The following RARB variants were observed in gnomAD, a reference collection of about 807,000 sequenced individuals.
RARB encodes the protein retinoic acid receptor beta.
A neutral mutation model predicts 51.9 loss-of-function variants in RARB; 17 were observed. The ratio of observed to expected loss-of-function variants is 0.33; its 90% CI spans 0.22 to 0.49. The LOEUF (loss-of-function observed/expected upper bound fraction) is 0.49. RARB is among the 20% of genes least tolerant of loss of function. The pLI is 0.99. For missense variants in RARB, 369 were observed against 550.8 expected (o/e 0.67, Z 3.30); for synonymous variants, 215 against 195.4 (o/e 1.10, Z -0.84).
In RARB at chr3:25,333,257, C is replaced by T. The variant is rs552885547; in HGVS notation, c.179-127936C>T. On this transcript the variant is annotated intron_variant, in intron 5 of 11. Transcript: ENST00000383772. ...CAAAAGAACAAAGCTGGAGGCATCA[C>T]GCTACCTGACTTCAAACTATACTAC... 1.8e-3 allele frequency among the ~76,000 whole-genome samples: 279 copies of T among 152,150 alleles called. 1 individual carries two copies. The highest frequency in any genetic ancestry group is 1.8e-3 in the Non-Finnish European group (119 of 67,990).
chr3:25,374,267 G>A lies in RARB; in HGVS notation c.179-86926G>A, dbSNP rs2125474222. On this transcript the variant is annotated intron_variant, in intron 5 of 11. Transcript: ENST00000383772. ...AGGAAAGAGCAAAAAACAGAAAAGA[G>A]GGTCTGAGGACTGGGAACAGGTACA... 1.3e-5 allele frequency among the ~76,000 whole-genome samples: 2 copies of A among 152,192 alleles called. 1 individual carries two copies. Among genetic ancestry groups the A allele is most frequent in the South Asian group, 4.2e-4 (2 of 4,812 alleles).
intron 5 of RARB, among the ~76,000 whole-genome samples, chr3:25,240,557 A>T (rs1017253169): frequency 8.5e-5 from 13 of 152,140 alleles, no homozygotes; most frequent in African/African-American, 2.2e-4. Flanking sequence ...GTTGAATCTT[A>T]TCAAATGCTT....
intron 5 of RARB, among the ~76,000 whole-genome samples, chr3:25,337,526 G>A (rs1037733977): frequency 1.2e-4 from 18 of 152,126 alleles, no homozygotes; most frequent in Non-Finnish European, 2.2e-4. Context: ...TTCTTAATGT[G>A]TCTGAAATGC....
chr3:25,124,006 A>C (rs568361189), intron 3 of RARB, among the ~76,000 whole-genome samples: 1 of 152,288 alleles, frequency 6.6e-6, no homozygotes, highest in South Asian at 2.1e-4. Flanking sequence ...AGTAAAGGGA[A>C]ATTCTCCAAA....
At chr3:25,263,960 G>A (rs1189345113) in intron 5 of RARB, among the ~76,000 whole-genome samples, 2 of 152,118 alleles carry the variant, frequency 1.3e-5, no homozygotes, top group African/African-American at 2.4e-5. Context: ...GAATGTAATA[G>A]AAGCCATCAA....
In RARB at chr3:25,247,122, G is replaced by A. The variant is rs550457519; in HGVS notation, c.178+72547G>A. Among the ~76,000 whole-genome samples the A allele has an allele frequency of 2.0e-5, 3 of 152,328 alleles. No homozygotes were observed. The South Asian group carries it at 6.2e-4, about 32-fold the overall frequency. ...TAGCTGGGAGCTTCATTTACACTGC[G>A]AGGGGAAAATCGCCTACTCATGCCT... On this transcript the variant is annotated intron_variant, in intron 5 of 11. Coordinates refer to the RARB transcript ENST00000383772.
rs1699504750 is a variant in RARB at position 25,106,458 on chromosome 3, GTTTTTTTTT to G, written c.-327-25702_-327-25694del. On this transcript the variant is annotated intron_variant, in intron 3 of 11. Coordinates refer to the RARB transcript ENST00000383772. ...GCCCAGCTACTGTTTTTTGTTTTTT[GTTTTTTTTT>G]GTTTTGTTTTTTTTTTGTAGAGACA... Among the ~76,000 whole-genome samples, 15 of 107,830 alleles carry G rather than the reference GTTTTTTTTT, an allele frequency of 1.4e-4. 1 individual carries two copies. Among genetic ancestry groups the G allele is most frequent in the East Asian group, 3.2e-4 (1 of 3,110 alleles). The allele number at this position is 107,830 out of a possible 152,430, so 70.7% of individuals were successfully genotyped here. A position where few individuals can be genotyped will look rare whatever the true frequency, so the allele number is the denominator to read the frequency against.
intron 2 of RARB, among the ~76,000 whole-genome samples, chr3:24,988,037 G>C (rs1439382798): frequency 6.6e-6 from 1 of 151,884 alleles, no homozygotes; most frequent in Non-Finnish European, 1.5e-5. Context: ...GAGTGCTTGA[G>C]AAATTGTCTT....
chr3:25,278,053 G>A (rs1703434950), intron 5 of RARB, among the ~76,000 whole-genome samples: 1 of 152,166 alleles, frequency 6.6e-6, no homozygotes, highest in Non-Finnish European at 1.5e-5. Flanking sequence ...CTCATTGCTA[G>A]ACGATATAGT....
At chr3:25,458,866 A>G (rs1207638274) in intron 1 of RARB, among the ~76,000 whole-genome samples, 2 of 151,106 alleles carry the variant, frequency 1.3e-5, no homozygotes, top group Non-Finnish European at 3.0e-5. Flanking sequence ...TTTGGTTTCT[A>G]ATTTTATCAT....
intron 5 of RARB, among the ~76,000 whole-genome samples, chr3:25,353,604 A>G (rs1288134082): frequency 1.4e-5 from 2 of 145,720 alleles, no homozygotes; most frequent in African/African-American, 2.6e-5. Flanking sequence ...TTTTTGTCTT[A>G]CCCCAAAGTA....
intron 1 of RARB, among the ~76,000 whole-genome samples, chr3:25,435,370 C>A (rs1280235634): frequency 6.6e-6 from 1 of 152,128 alleles, no homozygotes; most frequent in Non-Finnish European, 1.5e-5. Context: ...ATTTCCAGAG[C>A]AAATGAAGAC....
intron 5 of RARB, among the ~76,000 whole-genome samples, chr3:25,239,548 T>C (rs1702380505): frequency 6.6e-6 from 1 of 152,208 alleles, no homozygotes; most frequent in Admixed American, 6.5e-5. Flanking sequence ...CACCATTTAT[T>C]GAAGAGGATG....
At chr3:25,446,788 G>A (rs1417207161) in intron 1 of RARB, among the ~76,000 whole-genome samples, 1 of 108,650 alleles carries the variant, frequency 9.2e-6, no homozygotes. Context: ...GGGTGACAGA[G>A]CCAGACTCCG....
intron 3 of RARB, among the ~76,000 whole-genome samples, chr3:25,514,954 T>C (rs1698085340): frequency 6.6e-6 from 1 of 152,186 alleles, no homozygotes; most frequent in Non-Finnish European, 1.5e-5. Flanking sequence ...GACTTTCAGC[T>C]CTCAGAAATC....
At chr3:24,966,920 C>G (rs1696287461) in intron 2 of RARB, among the ~76,000 whole-genome samples, 1 of 152,112 alleles carries the variant, frequency 6.6e-6, no homozygotes, top group Admixed American at 6.6e-5. Flanking sequence ...CCTGAATTCA[C>G]CATACATTTT....
chr3:25,470,661 C>T (rs1262008702), intron 2 of RARB, among the ~76,000 whole-genome samples: 1 of 152,168 alleles, frequency 6.6e-6, no homozygotes, highest in Non-Finnish European at 1.5e-5. Flanking sequence ...ATATAAACAA[C>T]TAGGGATCCA....
intron 3 of RARB, among the ~76,000 whole-genome samples, chr3:25,504,653 CTCT>C (rs568182510): frequency 2.3e-3 from 343 of 152,046 alleles, no homozygotes; most frequent in Non-Finnish European, 4.1e-3. Context: ...TCCCAAGGCA[CTCT>C]TCTTTATGCT....
chr3:25,039,835 C>G lies in RARB; in HGVS notation c.-379-20290C>G, dbSNP rs1186779414. On this transcript the variant is annotated intron_variant, in intron 2 of 11. Coordinates refer to the RARB transcript ENST00000383772. ...AGGTGAGGAAAGTGGAGAATTGTTG[C>G]ATAGATTTTGCAGAAAATTAGACGT... 1.3e-5 allele frequency among the ~76,000 whole-genome samples: 2 copies of G among 152,158 alleles called. 1 individual carries two copies. The highest frequency in any genetic ancestry group is 6.3e-3 in the Middle Eastern group (2 of 316).
Sources: gnomAD v4.1 joint callset for allele counts (sites outside exome capture counted in the v4.1 genomes callset) on GRCh38, gnomAD v4.1.1 for gene constraint, MANE v1.5 for transcripts, NCBI Gene and HGNC (gene_info 2026-07-23, HGNC 2026-07-21) for gene names.